The following SLC38A11 variants were observed in gnomAD, a reference collection of about 807,000 sequenced individuals.
SLC38A11 encodes putative sodium-coupled neutral amino acid transporter 11.
In SLC38A11, 51 loss-of-function variants were observed where a neutral mutation model predicts 49.4. That is an observed-to-expected ratio of 1.03 (90% CI 0.83 to 1.30). The LOEUF is 1.30. Among genes scored for constraint, SLC38A11 ranks in the 50% most tolerant of loss-of-function variants. The pLI is 0.00. For missense variants in SLC38A11, 574 were observed against 556.2 expected (o/e 1.03, Z -0.32); for synonymous variants, 203 against 192.9 (o/e 1.05, Z -0.43).
intron 7 of SLC38A11, among the ~76,000 whole-genome samples, chr2:164,936,912 ATT>A: frequency 6.6e-6 from 1 of 152,328 alleles, no homozygotes; most frequent in African/African-American, 2.4e-5. Flanking sequence ...ATGATGTAGT[ATT>A]TTAACACAAA....
chr2:164,928,891 C>T (rs919252872), intron 7 of SLC38A11, among the ~76,000 whole-genome samples: 7 of 152,114 alleles, frequency 4.6e-5, no homozygotes, highest in Non-Finnish European at 1.0e-4. Context: ...TATCTTAGCT[C>T]CTCTCCAAGA....
At chr2:164,936,988 A>G (rs866235123) in intron 7 of SLC38A11, among the ~76,000 whole-genome samples, 1 of 152,194 alleles carries the variant, frequency 6.6e-6, no homozygotes, top group Admixed American at 6.5e-5. Flanking sequence ...CATTTTGTTT[A>G]ATGGATAAAA....
intron 3 of SLC38A11, among the ~76,000 whole-genome samples, chr2:164,949,738 G>A (rs373423241): frequency 5.9e-5 from 9 of 152,222 alleles, no homozygotes; most frequent in African/African-American, 1.9e-4. Context: ...GACTATCAAT[G>A]GGAAGATGGT....
At chr2:164,953,882 C>A (rs1193337812) in intron 2 of SLC38A11, among the ~76,000 whole-genome samples, 2 of 151,960 alleles carry the variant, frequency 1.3e-5, no homozygotes, top group African/African-American at 4.8e-5. Context: ...TTTTCAGATA[C>A]CAAAAAGAAT....
intron 3 of SLC38A11, among the ~76,000 whole-genome samples, chr2:164,951,625 T>G (rs1490534911): frequency 6.6e-6 from 1 of 152,204 alleles, no homozygotes; most frequent in African/African-American, 2.4e-5. Context: ...AAAAAATAGC[T>G]GAGTGTTGGG....
rs532516068 is a variant in SLC38A11, at chr2:164,940,275, G to A, written c.431-719C>T. On this transcript the variant is annotated intron_variant, in intron 5 of 11. Transcript: ENST00000685975. ...ATATATATCACATATATAATTATAT[G>A]TGTTGTGTGTATAATCACACATAAA... Among the ~76,000 whole-genome samples the A allele has an allele frequency of 1.4e-4, 21 of 148,222 alleles. No homozygotes were observed. The South Asian group carries it at 4.4e-3, about 31-fold the overall frequency.
Position 164,955,382 on chromosome 2 carries a change from G to A in SLC38A11, c.-135C>T. ...CAGAGCTGCAGGGAGCCAGTTCCAC[G>A]GGCGCCCCCTGCTCCCTCGGCAGGC... is the stretch of plus-strand genomic sequence containing the variant. On this transcript the variant is annotated 5_prime_UTR_variant, in exon 1 of 12. Coordinates refer to ENST00000685975, the MANE Select transcript of SLC38A11 (RefSeq NM_001351537.2). 2 of 823,610 alleles carry A rather than the reference G, an allele frequency of 2.4e-6. No individual in the cohort carries two copies. The highest frequency in any genetic ancestry group is 3.9e-6 in the Non-Finnish European group (2 of 509,316). The allele number at this position is 823,610 out of a possible 1,614,324, so 51.0% of individuals were successfully genotyped here.
intron 3 of SLC38A11, among the ~76,000 whole-genome samples, chr2:164,946,422 C>T (rs779518392): frequency 3.3e-5 from 5 of 151,810 alleles, no homozygotes; most frequent in Admixed American, 6.6e-5. Flanking sequence ...AAAAATTAGG[C>T]AGGTGTGGTG....
At chr2:164,916,956 G>A (rs1327449461) in intron 7 of SLC38A11, among the ~76,000 whole-genome samples, 3 of 152,120 alleles carry the variant, frequency 2.0e-5, no homozygotes, top group Admixed American at 2.0e-4. Context: ...GGGGATAATT[G>A]TAGTATCTAA....
chr2:164,911,817 A>T, intron 9 of SLC38A11, 69 bp from the exon 10 acceptor site: 2 of 805,212 alleles, frequency 2.5e-6, no homozygotes, highest in Non-Finnish European at 3.8e-6. Context: ...CTAATAAATT[A>T]AATATTAGAT....
At chr2:164,914,347 G>A (rs1386286247) in intron 9 of SLC38A11, among the ~76,000 whole-genome samples, 1 of 152,044 alleles carries the variant, frequency 6.6e-6, no homozygotes, top group East Asian at 1.9e-4. Context: ...AAGTAGAAGA[G>A]AGGACTGCTC....
Position 164,908,682 on chromosome 2 carries a change from C to G in SLC38A11, c.1053G>C (p.Val351=). 6.2e-7 allele frequency: 1 copy of G among 1,608,582 alleles called. No individual in the cohort carries two copies. Among genetic ancestry groups the G allele is most frequent in the Non-Finnish European group, 8.5e-7 (1 of 1,177,164 alleles). The change falls in exon 11 of 12, where the codon GTG becomes GTC. Residue 351 remains valine (V), a synonymous_variant. Coordinates refer to ENST00000685975, the MANE Select transcript of SLC38A11 (RefSeq NM_001351537.2). Reference sequence around the variant, plus strand: ...TCCCGAGGCAATCAATCAGCAATGACACAAGCGTGGCTACAGTGATGACCA... The same window carrying G: ...TCCCGAGGCAATCAATCAGCAATGAGACAAGCGTGGCTACAGTGATGACCA... The part of the protein sequence containing the change: ...TVMVITVATL[V]SLLIDCLGIV...
At chr2:164,915,774 T>C (rs773107749) in intron 8 of SLC38A11, 129 bp downstream of exon 8, 1 of 651,894 alleles carries the variant, frequency 1.5e-6, no homozygotes, top group African/African-American at 1.8e-5. Context: ...ACAAACTAGA[T>C]CATATGCTGC....
At chr2:164,944,779 C>T (rs1687996186) in intron 4 of SLC38A11, 145 bp from the exon 5 acceptor site, 1 of 370,616 alleles carries the variant, frequency 2.7e-6, no homozygotes, top group Non-Finnish European at 5.0e-6. Flanking sequence ...GTTTGGACAA[C>T]TTTAAAGATA....
Position 164,898,568 on chromosome 2 carries a change from T to A in SLC38A11, c.1258A>T (p.Thr420Ser). The change falls in exon 12 of 12, where the codon ACT becomes TCT. Residue 420 changes from threonine to serine, a missense_variant. By Grantham distance (58) the Thr-to-Ser change is moderately conservative. Transcript: ENST00000685975. ...VFGFVMAITN[T>S]QDCTHGQEMF... ...TCCTGCCCATGGGTGCAGTCTTGAGTATTTGTAATAGCCATGACGAATCCA... is the reference window on the plus strand; with the variant it reads ...TCCTGCCCATGGGTGCAGTCTTGAGAATTTGTAATAGCCATGACGAATCCA... The A allele has an allele frequency of 6.2e-7, 1 of 1,613,612 alleles. No individual in the cohort carries two copies. Among genetic ancestry groups the A allele is most frequent in the Non-Finnish European group, 8.5e-7 (1 of 1,179,750 alleles).
intron 3 of SLC38A11, among the ~76,000 whole-genome samples, chr2:164,948,875 C>A (rs2105516204): frequency 6.7e-6 from 1 of 149,504 alleles, no homozygotes; most frequent in Non-Finnish European, 1.5e-5. Context: ...CTTCCATTTT[C>A]TCTGCTAACT....
Position 164,894,491 on chromosome 2 carries a change from G to T in SLC38A11, c.*3946C>A, listed in dbSNP as rs1247693046. Among the ~76,000 whole-genome samples, 1 of 152,114 alleles carries T rather than the reference G, an allele frequency of 6.6e-6. No individual in the cohort carries two copies. The highest frequency in any genetic ancestry group is 1.5e-5 in the Non-Finnish European group (1 of 68,024). On this transcript the variant is annotated 3_prime_UTR_variant, in exon 12 of 12. Coordinates refer to ENST00000685975, the MANE Select transcript of SLC38A11 (RefSeq NM_001351537.2). Reference sequence around the variant, plus strand: ...ACCCAGTTTTACTCATGTTCCCTATGTAATTTTCCAAGTAAGCCATTCTGC... The same window carrying T: ...ACCCAGTTTTACTCATGTTCCCTATTTAATTTTCCAAGTAAGCCATTCTGC...
rs186085513 is a variant in SLC38A11, at chr2:164,916,062, A to T, written c.618-89T>A. 3.3e-5 allele frequency: 29 copies of T among 868,190 alleles called. No individual in the cohort carries two copies. The Admixed American group carries it at 3.6e-4, about 11-fold the overall frequency. The allele number at this position is 868,190 out of a possible 1,614,324, so 53.8% of individuals were successfully genotyped here. A position where few individuals can be genotyped will look rare whatever the true frequency, so the allele number is the denominator to read the frequency against. On this transcript the variant is annotated intron_variant, in intron 7 of 11. Coordinates refer to ENST00000685975, the MANE Select transcript of SLC38A11 (RefSeq NM_001351537.2). Reference sequence around the variant, plus strand: ...AACAAGAAATGGTATCACAAATATAAACTGAGTGTCTTTAAGCCAGAAATT... The same window carrying T: ...AACAAGAAATGGTATCACAAATATATACTGAGTGTCTTTAAGCCAGAAATT...
At chr2:164,924,979 C>A (rs1264137602) in intron 7 of SLC38A11, among the ~76,000 whole-genome samples, 1 of 152,122 alleles carries the variant, frequency 6.6e-6, no homozygotes, top group East Asian at 1.9e-4. Context: ...ATCTCCTGAC[C>A]TCGTGATCTG....
Sources: gnomAD v4.1 joint callset for allele counts (sites outside exome capture counted in the v4.1 genomes callset) on GRCh38, gnomAD v4.1.1 for gene constraint, MANE v1.5 for transcripts, NCBI Gene and HGNC (gene_info 2026-07-23, HGNC 2026-07-21) for gene names.